Variants in LATS1 observed in about 807,000 individuals in gnomAD.
LATS1 encodes large tumor suppressor kinase 1, also known as serine/threonine-protein kinase LATS1.
A neutral mutation model predicts 106.6 loss-of-function variants in LATS1; 25 were observed. The ratio of observed to expected loss-of-function variants is 0.23; its 90% CI spans 0.17 to 0.33. The LOEUF is 0.33. LATS1 is among the 10% of genes least tolerant of loss of function. LATS1 has a pLI of 1.00. For missense variants in LATS1, 1,040 were observed against 1,382.6 expected (o/e 0.75, Z 3.93); for synonymous variants, 465 against 455.6 (o/e 1.02, Z -0.26).
intron 5 of LATS1, among the ~76,000 whole-genome samples, chr6:149,678,584 G>C (rs888680337): frequency 5.3e-5 from 8 of 152,170 alleles, no homozygotes; most frequent in Admixed American, 1.3e-4. Context: ...AAGCACAGGA[G>C]GCTAATAATA....
intron 2 of LATS1, chr6:149,697,141 G>C: frequency 7.4e-7 from 1 of 1,347,828 alleles, no homozygotes; most frequent in Non-Finnish European, 9.8e-7. Flanking sequence ...ATGAGAAATG[G>C]CTTAGTAAGA....
In LATS1 at chr6:149,684,434, C is replaced by T. The variant is rs761314589; in HGVS notation, c.655G>A (p.Gly219Ser). Reference sequence around the variant, plus strand: ...TGAGCTTGAACAAATGCTGATATACCAGATCCAGACAAAGGTCTTCCTACA... The same window carrying T: ...TGAGCTTGAACAAATGCTGATATACTAGATCCAGACAAAGGTCTTCCTACA... ...TDVGRPLSGSGISAFVQAHPS... is the reference protein window; with the variant it reads ...TDVGRPLSGSSISAFVQAHPS... Residue 219 changes from glycine to serine, a missense_variant, in exon 4 of 8, where the codon GGT becomes AGT. Gly to Ser is a moderately conservative substitution (Grantham distance 56). This residue lies in a region of LATS1 where 624 missense variants were observed against 714.8 expected (regional missense o/e 0.87). Coordinates refer to ENST00000543571, the MANE Select transcript of LATS1 (RefSeq NM_004690.4). The T allele has an allele frequency of 1.2e-6, 2 of 1,613,938 alleles. No homozygotes were observed. The highest frequency in any genetic ancestry group is 2.2e-5 in the South Asian group (2 of 91,068).
In LATS1 at chr6:149,670,171, C is replaced by CA. The variant is rs1177166262; in HGVS notation, c.2883+6088dup. ...TGGGCAACAGAGTGAAATTGCATCT[C>CA]AAAAAAAAAAAAAAAAAAAAAAGAA... On this transcript the variant is annotated intron_variant, in intron 7 of 7. Transcript: ENST00000543571. Among the ~76,000 whole-genome samples, 313 of 31,560 alleles carry CA rather than the reference C, an allele frequency of 9.9e-3. 4 individuals carry two copies. The highest frequency in any genetic ancestry group is 0.016 in the Non-Finnish European group (220 of 13,588). 20.7% of individuals were successfully genotyped at this position (31,560 alleles called of 152,430 possible). A position where few individuals can be genotyped will look rare whatever the true frequency, so the allele number is the denominator to read the frequency against.
Position 149,695,239 on chromosome 6 carries a change from T to A in LATS1, c.349-18A>T. 4 of 1,533,204 alleles carry A rather than the reference T, an allele frequency of 2.6e-6. No homozygotes were observed. Among genetic ancestry groups the A allele is most frequent in the Non-Finnish European group, 3.5e-6 (4 of 1,128,172 alleles). The allele number at this position is 1,533,204 out of a possible 1,614,324, so 95.0% of individuals were successfully genotyped here. A position where few individuals can be genotyped will look rare whatever the true frequency, so the allele number is the denominator to read the frequency against. On this transcript the variant is annotated intron_variant, in intron 2 of 7. Coordinates refer to ENST00000543571, the MANE Select transcript of LATS1 (RefSeq NM_004690.4). ...ACCATATCCTGATATGAATTGAAGT[T>A]TAAAAAAAAAGAAACAAAATTTAAA...
chr6:149,674,757 T>C (rs1275026776), intron 7 of LATS1, among the ~76,000 whole-genome samples: 1 of 150,760 alleles, frequency 6.6e-6, no homozygotes, highest in Admixed American at 6.6e-5. Flanking sequence ...AAACCCTGTA[T>C]CTACAAAAAA....
At chr6:149,675,156 G>A (rs1235949825) in intron 7 of LATS1, among the ~76,000 whole-genome samples, 1 of 148,424 alleles carries the variant, frequency 6.7e-6, no homozygotes, top group Non-Finnish European at 1.5e-5. Context: ...GGCAGAAGTT[G>A]TAGTGAACTG....
At chr6:149,713,571 C>A (rs1324604524) in intron 1 of LATS1, among the ~76,000 whole-genome samples, 1 of 152,142 alleles carries the variant, frequency 6.6e-6, no homozygotes, top group African/African-American at 2.4e-5. Flanking sequence ...GCTGCGATTA[C>A]AGGTGTGAGC....
At chr6:149,669,088 G>A (rs1431155296) in intron 7 of LATS1, among the ~76,000 whole-genome samples, 1 of 151,938 alleles carries the variant, frequency 6.6e-6, no homozygotes, top group East Asian at 1.9e-4. Context: ...CTTCCAAAGC[G>A]CTGGGATTAC....
intron 3 of LATS1, among the ~76,000 whole-genome samples, chr6:149,690,062 G>C (rs1024456327): frequency 6.6e-6 from 1 of 151,826 alleles, no homozygotes; most frequent in Non-Finnish European, 1.5e-5. Flanking sequence ...ACTGACATAA[G>C]ATATATTACA....
intron 7 of LATS1, among the ~76,000 whole-genome samples, chr6:149,663,948 C>A (rs1433952085): frequency 2.6e-5 from 4 of 151,804 alleles, no homozygotes; most frequent in African/African-American, 9.7e-5. Context: ...GCTGGGATTA[C>A]AGGTGCCCGC....
rs1398479674 is a variant in LATS1, at chr6:149,659,897, A to G, written c.*1832T>C. 1 of 228,706 alleles carries G rather than the reference A, an allele frequency of 4.4e-6. No homozygotes were observed. Among genetic ancestry groups the G allele is most frequent in the South Asian group, 1.8e-4 (1 of 5,486 alleles). The allele number at this position is 228,706 out of a possible 1,614,324, so 14.2% of individuals were successfully genotyped here. A position where few individuals can be genotyped will look rare whatever the true frequency, so the allele number is the denominator to read the frequency against. Reference sequence around the variant, plus strand: ...GAGCCTAACATTTCAGTCCCCTCCAAATGATATATTAAAACAACTTAATGT... The same window carrying G: ...GAGCCTAACATTTCAGTCCCCTCCAGATGATATATTAAAACAACTTAATGT... On this transcript the variant is annotated 3_prime_UTR_variant, in exon 8 of 8. Transcript: ENST00000543571.
chr6:149,710,119 T>C (rs1784008441), intron 1 of LATS1, among the ~76,000 whole-genome samples: 1 of 152,204 alleles, frequency 6.6e-6, no homozygotes, highest in Admixed American at 6.5e-5. Context: ...TCTTCCTTTC[T>C]GGACCTAACC....
chr6:149,707,805 G>A (rs1783874642), intron 1 of LATS1, among the ~76,000 whole-genome samples: 1 of 152,156 alleles, frequency 6.6e-6, no homozygotes, highest in African/African-American at 2.4e-5. Context: ...TGAGACAGAA[G>A]TTTTCATTTG....
At position 149,693,531 on chromosome 6, in the gene LATS1, A is replaced by G. The variant is rs1309428086; in HGVS notation, c.496+1543T>C. ...AGGCTGTGGCAGGAGAATCACTTGAACCCAGGGGGTGGAGGTTGCAGTGAG... is the reference window on the plus strand; with the variant it reads ...AGGCTGTGGCAGGAGAATCACTTGAGCCCAGGGGGTGGAGGTTGCAGTGAG... On this transcript the variant is annotated intron_variant, in intron 3 of 7. Coordinates refer to ENST00000543571, the MANE Select transcript of LATS1 (RefSeq NM_004690.4). Among the ~76,000 whole-genome samples, 3 of 145,226 alleles carry G rather than the reference A, an allele frequency of 2.1e-5. No individual in the cohort carries two copies. In the Admixed American group the frequency reaches 2.1e-4, roughly 10 times the overall value.
At chr6:149,698,007 T>C (rs534066486) in intron 2 of LATS1, among the ~76,000 whole-genome samples, 55 of 152,338 alleles carry the variant, frequency 3.6e-4, no homozygotes, top group African/African-American at 1.3e-3. Flanking sequence ...CCTGAAGTGC[T>C]GGCATTACCG....
At chr6:149,709,724 G>A (rs1783987639) in intron 1 of LATS1, among the ~76,000 whole-genome samples, 1 of 129,470 alleles carries the variant, frequency 7.7e-6, no homozygotes, top group Non-Finnish European at 1.6e-5. Flanking sequence ...TGCCCAGGTT[G>A]GAATGCAGTG....
chr6:149,663,674 C>T (rs145810228), intron 7 of LATS1, among the ~76,000 whole-genome samples: 94 of 151,622 alleles, frequency 6.2e-4, no homozygotes, highest in Admixed American at 3.4e-3. Flanking sequence ...AATGGAGAGG[C>T]TTCAACTAAT....
chr6:149,707,548 A>C (rs989419760), intron 1 of LATS1, among the ~76,000 whole-genome samples: 2 of 152,122 alleles, frequency 1.3e-5, no homozygotes, highest in Non-Finnish European at 2.9e-5. Flanking sequence ...AAAACGCTGG[A>C]CCAGAGAAAT....
At chr6:149,696,289 C>T (rs997964570) in intron 2 of LATS1, among the ~76,000 whole-genome samples, 7 of 150,182 alleles carry the variant, frequency 4.7e-5, no homozygotes, top group Non-Finnish European at 1.0e-4. Flanking sequence ...CTCTTTTGGG[C>T]TGAGTGCGGT....
Sources: allele counts gnomAD v4.1 joint callset (sites outside exome capture counted in the v4.1 genomes callset), GRCh38; gene constraint gnomAD v4.1.1; regional missense constraint gnomAD v4.1.1; transcripts MANE v1.5; gene names NCBI Gene and HGNC (gene_info 2026-07-23, HGNC 2026-07-21).